CCDC92: variants seen among roughly 807,000 people sequenced by gnomAD.
CCDC92 encodes coiled-coil domain-containing protein 92.
CCDC92 carries 12 observed loss-of-function variants against 24.9 expected under a neutral mutation model. That is an observed-to-expected ratio of 0.48 (90% CI 0.31 to 0.78). The LOEUF is 0.78. Among genes scored for constraint, CCDC92 ranks in the 30% least tolerant of loss-of-function variants. The pLI is 0.05. For missense variants in CCDC92, 399 were observed against 439.4 expected (o/e 0.91, Z 0.82); for synonymous variants, 193 against 196.3 (o/e 0.98, Z 0.14).
intron 4 of CCDC92, 139 bp downstream of exon 4, chr12:123,942,603 TTC>T (rs1446809203): frequency 1.4e-6 from 1 of 714,532 alleles, no homozygotes; most frequent in Non-Finnish European, 2.6e-6. Flanking sequence ...CCTTCTCATC[TTC>T]TCTTAGAGAG....
At chr12:123,960,689 A>G (rs1956251615) in intron 1 of CCDC92, 1 of 152,228 alleles carries the variant, frequency 6.6e-6, no homozygotes, top group Non-Finnish European at 1.5e-5. Flanking sequence ...GGTCTGTGAC[A>G]CAGTGAGAAA....
At chr12:123,946,502 G>A (rs11835839) in intron 1 of CCDC92, 55,347 of 152,316 alleles carry the variant, frequency 0.36, 10,713 homozygotes, top group African/African-American at 0.49. Context: ...CCCCAGACTC[G>A]GGTGCATTAC....
chr12:123,948,545 T>G (rs1955942418), intron 1 of CCDC92, among the ~76,000 whole-genome samples: 1 of 152,188 alleles, frequency 6.6e-6, no homozygotes, highest in Non-Finnish European at 1.5e-5. Context: ...AGCTCCACAG[T>G]GAGCGCTGGT....
At chr12:123,938,347 TCA>T (rs112136206) in intron 4 of CCDC92, among the ~76,000 whole-genome samples, 48 of 150,648 alleles carry the variant, frequency 3.2e-4, no homozygotes, top group East Asian at 5.8e-4. Flanking sequence ...CCCGTCTCTC[TCA>T]CACACACACA....
At chr12:123,965,533 C>A (rs1956372800) in intron 1 of CCDC92, among the ~76,000 whole-genome samples, 1 of 152,188 alleles carries the variant, frequency 6.6e-6, no homozygotes, top group Non-Finnish European at 1.5e-5. Context: ...CCTCATGTAA[C>A]CCATGTTGGG....
chr12:123,947,956 C>G (rs1046718082), intron 1 of CCDC92, among the ~76,000 whole-genome samples: 3 of 152,166 alleles, frequency 2.0e-5, no homozygotes, highest in African/African-American at 7.2e-5. Flanking sequence ...GACCGCGAAC[C>G]CACCAGAAGG....
chr12:123,965,350 G>A (rs1344520598), intron 1 of CCDC92, among the ~76,000 whole-genome samples: 1 of 152,150 alleles, frequency 6.6e-6, no homozygotes, highest in Non-Finnish European at 1.5e-5. Flanking sequence ...TCAATAAAGA[G>A]GAATCTTGAT....
intron 1 of CCDC92, among the ~76,000 whole-genome samples, chr12:123,949,735 T>C (rs780152340): frequency 6.6e-6 from 1 of 152,256 alleles, no homozygotes; most frequent in Non-Finnish European, 1.5e-5. Context: ...AAAAGGCTTT[T>C]CATTCCAAAT....
In CCDC92 at chr12:123,936,797, A is replaced by T. The variant is rs1485937358; in HGVS notation, c.*261T>A. 1 of 576,852 alleles carries T rather than the reference A, an allele frequency of 1.7e-6. No homozygotes were observed. Among genetic ancestry groups the T allele is most frequent in the Non-Finnish European group, 3.1e-6 (1 of 325,238 alleles). 35.7% of individuals were successfully genotyped at this position (576,852 alleles called of 1,614,324 possible). The stretch of plus-strand genomic sequence containing the variant: ...GTGGCCTGGGCTTTGCCTGCAGCGC[A>T]CTTAGGTTACACGGAGCGGGATCAG... On this transcript the variant is annotated 3_prime_UTR_variant, in exon 5 of 5. Transcript: ENST00000238156.
At chr12:123,946,981 G>A (rs1955888656) in intron 1 of CCDC92, among the ~76,000 whole-genome samples, 1 of 152,170 alleles carries the variant, frequency 6.6e-6, no homozygotes, top group African/African-American at 2.4e-5. Flanking sequence ...GCGTGCGGCG[G>A]CGCTTGCAGG....
In CCDC92 at chr12:123,935,769, A is replaced by G. The variant is rs933739040; in HGVS notation, c.*1289T>C. The G allele has an allele frequency of 3.2e-5, 10 of 313,924 alleles. No individual in the cohort carries two copies. Among genetic ancestry groups the G allele is most frequent in the Admixed American group, 1.3e-4 (3 of 22,762 alleles). 19.4% of individuals were successfully genotyped at this position (313,924 alleles called of 1,614,324 possible). ...TCTCAGAGAAAACACTTGATTAGGCAAAAGTGCCTGGCATACATAGCATTG... is the reference window on the plus strand; with the variant it reads ...TCTCAGAGAAAACACTTGATTAGGCGAAAGTGCCTGGCATACATAGCATTG... On this transcript the variant is annotated 3_prime_UTR_variant, in exon 5 of 5. Transcript: ENST00000238156.
intron 1 of CCDC92, chr12:123,966,058 C>T (rs1032387505): frequency 1.3e-5 from 2 of 152,160 alleles, no homozygotes; most frequent in Non-Finnish European, 2.9e-5. Flanking sequence ...CAAAGGCTAA[C>T]ACAATGACTG....
intron 1 of CCDC92, chr12:123,971,595 T>A (rs1392552437): frequency 6.6e-6 from 1 of 152,262 alleles, no homozygotes; most frequent in Non-Finnish European, 1.5e-5. Context: ...TAAAACCGAC[T>A]ACTGCAACCT....
At chr12:123,950,739 GC>G (rs1956004909) in intron 1 of CCDC92, among the ~76,000 whole-genome samples, 1 of 152,108 alleles carries the variant, frequency 6.6e-6, no homozygotes, top group Admixed American at 6.5e-5. Flanking sequence ...GCCAAAAACA[GC>G]TCTGATGTTA....
rs558471641 is a variant in CCDC92, at chr12:123,935,707, G to A, written c.*1351C>T. 9 of 447,682 alleles carry A rather than the reference G, an allele frequency of 2.0e-5. No individual in the cohort carries two copies. In the South Asian group the frequency reaches 6.4e-4, roughly 32 times the overall value. 27.7% of individuals were successfully genotyped at this position (447,682 alleles called of 1,614,324 possible). A position where few individuals can be genotyped will look rare whatever the true frequency, so the allele number is the denominator to read the frequency against. ...TTTATATAATCAAAAAGTAAATATT[G>A]GAGAGTATTTTAAGATGTGTGGAGT... On this transcript the variant is annotated 3_prime_UTR_variant, in exon 5 of 5. Coordinates refer to ENST00000238156, the MANE Select transcript of CCDC92 (RefSeq NM_025140.3).
intron 1 of CCDC92, among the ~76,000 whole-genome samples, chr12:123,958,790 A>G (rs1315679413): frequency 3.3e-5 from 5 of 151,782 alleles, no homozygotes; most frequent in African/African-American, 9.7e-5. Context: ...TATTGAGATC[A>G]TACATAAACT....
At chr12:123,941,277 C>T (rs188495590) in intron 4 of CCDC92, among the ~76,000 whole-genome samples, 3 of 152,296 alleles carry the variant, frequency 2.0e-5, no homozygotes, top group East Asian at 1.9e-4. Context: ...CCCAGGGCTT[C>T]GGGGGAGGTC....
intron 1 of CCDC92, among the ~76,000 whole-genome samples, chr12:123,950,409 G>A (rs374210348): frequency 6.5e-4 from 99 of 152,248 alleles, no homozygotes; most frequent in African/African-American, 2.3e-3. Context: ...TCACACAGCT[G>A]TAAAGGCACT....
chr12:123,959,322 C>CT (rs376350236), intron 1 of CCDC92, among the ~76,000 whole-genome samples: 2,297 of 148,902 alleles, frequency 0.015, 63 homozygotes, highest in African/African-American at 0.054. Context: ...GCCAGGCTTG[C>CT]TTTTTTTTTT....
Sources: allele counts gnomAD v4.1 joint callset (sites outside exome capture counted in the v4.1 genomes callset), GRCh38; gene constraint gnomAD v4.1.1; transcripts MANE v1.5; gene names NCBI Gene and HGNC (gene_info 2026-07-23, HGNC 2026-07-21).